BACH2: variants seen among roughly 807,000 people sequenced by gnomAD.
The protein encoded by BACH2 is transcription regulator protein BACH2.
BACH2 carries 5 observed loss-of-function variants against 61.8 expected under a neutral mutation model. The ratio of observed to expected loss-of-function variants is 0.08; its 90% CI spans 0.04 to 0.17. BACH2 has a LOEUF of 0.17. BACH2 is among the 10% of genes least tolerant of loss of function. BACH2 has a pLI of 1.00. For synonymous variants in BACH2, 446 were observed against 440.1 expected, an observed-to-expected ratio of 1.01 and a Z score of -0.17; for missense variants, 824 against 1,091.1, an observed-to-expected ratio of 0.76 and a Z score of 3.45.
intron 3 of BACH2, among the ~76,000 whole-genome samples, chr6:90,243,962 C>A (rs1024585495): frequency 1.3e-5 from 2 of 152,164 alleles, no homozygotes; most frequent in Non-Finnish European, 2.9e-5. Flanking sequence ...CGCTCTGTTG[C>A]CCAGGCTGGA....
At chr6:90,186,682 T>C (rs530354991) in intron 4 of BACH2, among the ~76,000 whole-genome samples, 3 of 152,296 alleles carry the variant, frequency 2.0e-5, no homozygotes, top group Admixed American at 6.5e-5. Flanking sequence ...GCCCCTCCCC[T>C]GCCCCCGTGA....
intron 4 of BACH2, among the ~76,000 whole-genome samples, chr6:90,158,456 G>C (rs554784273): frequency 6.6e-6 from 1 of 152,232 alleles, no homozygotes; most frequent in South Asian, 2.1e-4. Flanking sequence ...GGTAGACCCA[G>C]GAGCGGGGTT....
chr6:90,151,111 T>G (rs765190102), intron 4 of BACH2, among the ~76,000 whole-genome samples: 1 of 152,194 alleles, frequency 6.6e-6, no homozygotes, highest in Non-Finnish European at 1.5e-5. Flanking sequence ...TTGACTAGCA[T>G]AGATCTTTCC....
At position 90,256,644 on chromosome 6, in the gene BACH2, C is replaced by T. The variant is rs139854445; in HGVS notation, c.-352-4054G>A. ...TTATTTTGAAAAATAATTTTTATTA[C>T]GTATATTTATGGTATACAACGTGAT... On this transcript the variant is annotated intron_variant, in intron 2 of 8. Coordinates refer to ENST00000257749, the MANE Select transcript of BACH2 (RefSeq NM_021813.4). Among the ~76,000 whole-genome samples the T allele has an allele frequency of 2.6e-3, 396 of 152,194 alleles. 1 individual carries two copies. Among genetic ancestry groups the T allele is most frequent in the Middle Eastern group, 6.8e-3 (2 of 294 alleles).
intron 4 of BACH2, among the ~76,000 whole-genome samples, chr6:90,100,686 T>TAC (rs144228722): frequency 0.14 from 7,366 of 54,404 alleles, 594 homozygotes; most frequent in African/African-American, 0.41. Context: ...TCTCTCTCTC[T>TAC]ACACACACAC....
intron 5 of BACH2, among the ~76,000 whole-genome samples, chr6:90,036,162 C>CT (rs34879571): frequency 0.36 from 54,212 of 149,208 alleles, 10,480 homozygotes; most frequent in East Asian, 0.68. Context: ...TTCTCATCAG[C>CT]TTTTTTTTTC....
At chr6:90,296,406 G>A (rs1470574682) in intron 1 of BACH2, 74 bp downstream of exon 1, 4 of 150,120 alleles carry the variant, frequency 2.7e-5, no homozygotes, top group Non-Finnish European at 4.5e-5. Flanking sequence ...CGCCCCGCGC[G>A]CCCGCTCCCC....
At chr6:90,007,262 G>A (rs185064800) in intron 6 of BACH2, among the ~76,000 whole-genome samples, 1 of 152,108 alleles carries the variant, frequency 6.6e-6, no homozygotes, top group Non-Finnish European at 1.5e-5. Context: ...TTTTGGTAGA[G>A]ATGGGGTTTC....
chr6:89,938,946 T>A (rs1481785656), intron 7 of BACH2, among the ~76,000 whole-genome samples: 3 of 152,178 alleles, frequency 2.0e-5, no homozygotes, highest in Non-Finnish European at 4.4e-5. Flanking sequence ...CTACTCCACC[T>A]CTCTGAGATT....
chr6:89,940,173 C>G (rs1464098420), intron 7 of BACH2, among the ~76,000 whole-genome samples: 1 of 152,060 alleles, frequency 6.6e-6, no homozygotes, highest in East Asian at 1.9e-4. Flanking sequence ...CCATGCCCAG[C>G]TAATTTTTGT....
intron 4 of BACH2, among the ~76,000 whole-genome samples, chr6:90,103,030 T>TA (rs371402979): frequency 0.16 from 3,142 of 19,410 alleles, 48 homozygotes; most frequent in African/African-American, 0.17. Context: ...TATATATATA[T>TA]TTTTTTTTTT....
At chr6:90,053,665 C>T (rs1360664774) in intron 5 of BACH2, among the ~76,000 whole-genome samples, 1 of 152,186 alleles carries the variant, frequency 6.6e-6, no homozygotes, top group Non-Finnish European at 1.5e-5. Context: ...AAATACTTCA[C>T]TCTCATTTTG....
chr6:90,078,869 C>A (rs1248189786), intron 5 of BACH2, among the ~76,000 whole-genome samples: 1 of 152,192 alleles, frequency 6.6e-6, no homozygotes, highest in Non-Finnish European at 1.5e-5. Context: ...CTGTGCCACA[C>A]TGTCTGCCAC....
intron 5 of BACH2, among the ~76,000 whole-genome samples, chr6:90,016,865 C>T (rs1228360360): frequency 6.6e-6 from 1 of 151,656 alleles, no homozygotes; most frequent in Non-Finnish European, 1.5e-5. Flanking sequence ...TTTTCACCTG[C>T]ATTGTTTCCA....
chr6:90,059,627 A>T (rs1780572884), intron 5 of BACH2, among the ~76,000 whole-genome samples: 1 of 152,196 alleles, frequency 6.6e-6, no homozygotes, highest in African/African-American at 2.4e-5. Flanking sequence ...ATTACTGGGT[A>T]TATACCCAAA....
At chr6:90,186,762 A>G (rs1372276148) in intron 4 of BACH2, among the ~76,000 whole-genome samples, 1 of 152,210 alleles carries the variant, frequency 6.6e-6, no homozygotes, top group Non-Finnish European at 1.5e-5. Flanking sequence ...ATGATGTAAC[A>G]TAATACTCAA....
intron 5 of BACH2, among the ~76,000 whole-genome samples, chr6:90,039,089 C>T (rs1779403524): frequency 6.6e-6 from 1 of 151,790 alleles, no homozygotes; most frequent in Admixed American, 6.6e-5. Flanking sequence ...CTGCACCCTG[C>T]TTTCACTTAA....
At chr6:89,954,058 G>A (rs1774274258) in intron 6 of BACH2, among the ~76,000 whole-genome samples, 2 of 152,172 alleles carry the variant, frequency 1.3e-5, no homozygotes, top group African/African-American at 2.4e-5. Flanking sequence ...AACTGAAGAA[G>A]ATGACAAGAA....
At chr6:90,119,340 C>T (rs1019557859) in intron 4 of BACH2, among the ~76,000 whole-genome samples, 4 of 152,114 alleles carry the variant, frequency 2.6e-5, no homozygotes, top group Admixed American at 1.3e-4. Flanking sequence ...AACTATAATA[C>T]GAAGACTTAA....
Sources: gnomAD v4.1 joint callset for allele counts (sites outside exome capture counted in the v4.1 genomes callset) on GRCh38, gnomAD v4.1.1 for gene constraint, MANE v1.5 for transcripts, NCBI Gene and HGNC (gene_info 2026-07-23, HGNC 2026-07-21) for gene names.